PAPPA: variants seen among roughly 807,000 people sequenced by gnomAD.
PAPPA encodes the protein pappalysin 1.
Under a neutral mutation model 164.0 loss-of-function variants are expected in PAPPA, and 60 were observed. The ratio of observed to expected loss-of-function variants is 0.37; its 90% confidence interval spans 0.30 to 0.45. PAPPA has a LOEUF of 0.45. Among genes scored for constraint, PAPPA ranks in the 20% least tolerant of loss-of-function variants. The pLI is 1.00. For missense variants in PAPPA, 1,782 were observed against 2,087.3 expected (o/e 0.85, Z 2.85); for synonymous variants, 875 against 814.1 (o/e 1.07, Z -1.27).
At chr9:116,260,741 G>GT (rs1844991704) in intron 7 of PAPPA, among the ~76,000 whole-genome samples, 1 of 145,010 alleles carries the variant, frequency 6.9e-6, no homozygotes, top group African/African-American at 2.5e-5. Context: ...TTCTTTCATA[G>GT]TTAAAAAAAA....
At chr9:116,232,174 TC>T (rs1357278537) in intron 6 of PAPPA, among the ~76,000 whole-genome samples, 1 of 152,168 alleles carries the variant, frequency 6.6e-6, no homozygotes, top group Non-Finnish European at 1.5e-5. Context: ...ACAAGCCACT[TC>T]ACAATCTTGG....
At chr9:116,339,454 C>T (rs199721556) in intron 13 of PAPPA, among the ~76,000 whole-genome samples, 5 of 152,238 alleles carry the variant, frequency 3.3e-5, no homozygotes, top group Non-Finnish European at 7.4e-5. Flanking sequence ...AATACACTGG[C>T]GCCTAGAAAT....
intron 7 of PAPPA, among the ~76,000 whole-genome samples, chr9:116,242,176 C>G (rs941285615): frequency 6.6e-6 from 1 of 151,820 alleles, no homozygotes; most frequent in Admixed American, 6.6e-5. Context: ...GCACGGGGGG[C>G]AGGGGGGCTG....
chr9:116,200,357 C>CAT (rs1263558267), intron 2 of PAPPA, among the ~76,000 whole-genome samples: 18 of 152,166 alleles, frequency 1.2e-4, no homozygotes, highest in Admixed American at 1.2e-3. Flanking sequence ...TATCATAACA[C>CAT]ATATAATAAC....
chr9:116,366,287 C>A (rs1359650157), intron 18 of PAPPA, among the ~76,000 whole-genome samples: 1 of 152,110 alleles, frequency 6.6e-6, no homozygotes, highest in Non-Finnish European at 1.5e-5. Flanking sequence ...AATGAATGAG[C>A]TGAATTACAG....
chr9:116,211,036 C>T (rs1844300275), intron 3 of PAPPA, among the ~76,000 whole-genome samples: 1 of 152,206 alleles, frequency 6.6e-6, no homozygotes, highest in Non-Finnish European at 1.5e-5. Flanking sequence ...GAGTCCTGCT[C>T]AAGTGACATT....
chr9:116,288,184 C>T (rs1845364844), intron 9 of PAPPA, among the ~76,000 whole-genome samples: 2 of 152,138 alleles, frequency 1.3e-5, no homozygotes, highest in Admixed American at 1.3e-4. Context: ...GCCTGACAAA[C>T]ATGGTGAAAC....
chr9:116,322,411 A>C (rs1464226419), intron 10 of PAPPA, among the ~76,000 whole-genome samples: 1 of 80,374 alleles, frequency 1.2e-5, no homozygotes, highest in East Asian at 4.0e-4. Flanking sequence ...ACTTAGTCTC[A>C]AAAAAAAAAA....
At chr9:116,290,007 G>T (rs1845416851) in intron 9 of PAPPA, among the ~76,000 whole-genome samples, 1 of 152,198 alleles carries the variant, frequency 6.6e-6, no homozygotes, top group Non-Finnish European at 1.5e-5. Flanking sequence ...TTGGGGAGAT[G>T]AGGTCTGGAT....
At chr9:116,206,344 A>T (rs1844235526) in intron 2 of PAPPA, among the ~76,000 whole-genome samples, 1 of 152,140 alleles carries the variant, frequency 6.6e-6, no homozygotes, top group Admixed American at 6.6e-5. Flanking sequence ...TTGACACGCT[A>T]GATCTCAGAC....
intron 6 of PAPPA, among the ~76,000 whole-genome samples, chr9:116,229,621 G>A (rs960709460): frequency 3.9e-5 from 6 of 152,188 alleles, no homozygotes; most frequent in African/African-American, 1.2e-4. Context: ...AGGTGAGGAC[G>A]GGTTTGGATT....
Position 116,187,151 on chromosome 9 carries a change from T to C in PAPPA, c.416-3T>C, listed in dbSNP as rs1334201549. ...TTCATCTTTCTCTTTTGGGGCCACA[T>C]AGGGCTGTATGACAAATGTTCTTAT... On this transcript the variant is annotated splice_polypyrimidine_tract_variant and splice_region_variant and intron_variant, in intron 1 of 21. Transcript: ENST00000328252. This position sits in a 1 kb window ranked among gnomAD's most constrained non-coding sequence, Gnocchi z 4.2. The C allele has an allele frequency of 6.2e-7, 1 of 1,605,184 alleles. No homozygotes were observed. Among genetic ancestry groups the C allele is most frequent in the African/African-American group, 1.3e-5 (1 of 74,752 alleles).
At chr9:116,377,256 C>T (rs946401393) in intron 19 of PAPPA, among the ~76,000 whole-genome samples, 8 of 151,994 alleles carry the variant, frequency 5.3e-5, no homozygotes, top group African/African-American at 9.7e-5. Context: ...CCCAACTCCA[C>T]GAATGGGTCG....
intron 7 of PAPPA, among the ~76,000 whole-genome samples, chr9:116,258,887 A>C (rs551777169): frequency 2.7e-4 from 41 of 152,278 alleles, no homozygotes; most frequent in Non-Finnish European, 5.3e-4. Flanking sequence ...TAATCCCAAC[A>C]CTTTGGGAGG....
chr9:116,398,688 C>A lies in PAPPA; in HGVS notation c.*2072C>A. The A allele has an allele frequency of 2.0e-6, 1 of 498,212 alleles. No individual in the cohort carries two copies. The highest frequency in any genetic ancestry group is 3.8e-6 in the Non-Finnish European group (1 of 265,468). The allele number at this position is 498,212 out of a possible 1,614,324, so 30.9% of individuals were successfully genotyped here. Reference sequence around the variant, plus strand: ...GCTGAGATAGTTTATGAGACTTGTACCATTTCACAAACTCTGAAATTGGGT... The same window carrying A: ...GCTGAGATAGTTTATGAGACTTGTAACATTTCACAAACTCTGAAATTGGGT... On this transcript the variant is annotated 3_prime_UTR_variant, in exon 22 of 22. Transcript: ENST00000328252.
intron 14 of PAPPA, among the ~76,000 whole-genome samples, chr9:116,346,341 G>T (rs929915608): frequency 3.3e-5 from 5 of 151,448 alleles, no homozygotes; most frequent in African/African-American, 1.2e-4. Context: ...GCTTTTTTTT[G>T]TCTTTGTACC....
intron 17 of PAPPA, 32 bp downstream of exon 17, chr9:116,353,825 T>C (rs1466856558): frequency 2.5e-6 from 4 of 1,569,078 alleles, no homozygotes; most frequent in South Asian, 1.1e-5. Context: ...ATTGATACCA[T>C]GGTCCCTTTC....
chr9:116,157,937 G>T (rs1440208339), intron 1 of PAPPA, among the ~76,000 whole-genome samples: 1 of 151,030 alleles, frequency 6.6e-6, no homozygotes, highest in African/African-American at 2.4e-5. Flanking sequence ...GAAAACAAAA[G>T]ACTCAATTTG....
intron 1 of PAPPA, among the ~76,000 whole-genome samples, chr9:116,186,098 A>T (rs1843966170): frequency 6.6e-6 from 1 of 152,122 alleles, no homozygotes; most frequent in South Asian, 2.1e-4. Context: ...GTGCATATAC[A>T]GACCTTAGCA....
Sources: allele counts gnomAD v4.1 joint callset (sites outside exome capture counted in the v4.1 genomes callset), GRCh38; gene constraint gnomAD v4.1.1; non-coding constraint Gnocchi (gnomAD v3.1); transcripts MANE v1.5; gene names NCBI Gene and HGNC (gene_info 2026-07-23, HGNC 2026-07-21).